SEMA5A: variants seen among roughly 807,000 people sequenced by gnomAD.
The protein encoded by SEMA5A is semaphorin-5A.
SEMA5A carries 55 observed loss-of-function variants against 135.5 expected under a neutral mutation model. That is an observed-to-expected ratio of 0.41 (90% CI 0.33 to 0.51). The LOEUF is 0.51. Among genes scored for constraint, SEMA5A ranks in the 20% least tolerant of loss-of-function variants. SEMA5A has a pLI of 0.37. For missense variants in SEMA5A, 1,290 were observed against 1,419.9 expected (o/e 0.91, Z 1.47); for synonymous variants, 580 against 546.5 (o/e 1.06, Z -0.85).
chr5:9,434,172 G>C (rs1236211226), intron 2 of SEMA5A, among the ~76,000 whole-genome samples: 2 of 152,096 alleles, frequency 1.3e-5, no homozygotes, highest in Non-Finnish European at 2.9e-5. Context: ...ACACGATAGA[G>C]TATTACATAT....
intron 2 of SEMA5A, among the ~76,000 whole-genome samples, chr5:9,416,548 C>A (rs1757290891): frequency 6.6e-6 from 1 of 152,128 alleles, no homozygotes; most frequent in Admixed American, 6.5e-5. Flanking sequence ...TGGGTACAAG[C>A]AGTTGGTGTA....
intron 3 of SEMA5A, among the ~76,000 whole-genome samples, chr5:9,353,216 GA>G (rs1561177351): frequency 5.1e-5 from 7 of 136,534 alleles, no homozygotes; most frequent in Middle Eastern, 4.3e-3. Flanking sequence ...GAAAGGAAAG[GA>G]AAGGAAAGGA....
At chr5:9,070,118 C>T (rs1296017669) in intron 16 of SEMA5A, among the ~76,000 whole-genome samples, 1 of 152,160 alleles carries the variant, frequency 6.6e-6, no homozygotes, top group Non-Finnish European at 1.5e-5. Context: ...CATCTGTAAT[C>T]CCAGCACTTT....
chr5:9,186,323 C>T (rs982164639), intron 11 of SEMA5A, among the ~76,000 whole-genome samples: 2 of 152,192 alleles, frequency 1.3e-5, no homozygotes, highest in Admixed American at 6.5e-5. Flanking sequence ...CGCAGATGAA[C>T]TACACCAGCA....
chr5:9,182,154 C>G (rs925304671), intron 11 of SEMA5A, among the ~76,000 whole-genome samples: 4 of 128,266 alleles, frequency 3.1e-5, no homozygotes, highest in Non-Finnish European at 4.9e-5. Flanking sequence ...CTTCTGCCCC[C>G]CACCCCAAAA....
chr5:9,035,102 A>C lies in SEMA5A; in HGVS notation c.*7795T>G, dbSNP rs1198338126. On this transcript the variant is annotated 3_prime_UTR_variant, in exon 23 of 23. Coordinates refer to ENST00000382496, the MANE Select transcript of SEMA5A (RefSeq NM_003966.3). ...ATGAGACAAACTATTTACATAAAAC[A>C]TAAGTACAAAAAATATAATACAATT... 6.6e-6 allele frequency: 1 copy of C among 152,654 alleles called. No homozygotes were observed. The highest frequency in any genetic ancestry group is 2.4e-5 in the African/African-American group (1 of 41,464). The allele number at this position is 152,654 out of a possible 1,614,324, so 9.5% of individuals were successfully genotyped here.
chr5:9,494,117 C>T (rs1388888441), intron 1 of SEMA5A, among the ~76,000 whole-genome samples: 3 of 152,136 alleles, frequency 2.0e-5, no homozygotes, highest in Non-Finnish European at 4.4e-5. Flanking sequence ...AAATCAGCAA[C>T]TATCCACAGA....
chr5:9,523,316 C>G (rs1025953799), intron 1 of SEMA5A: 1 of 152,138 alleles, frequency 6.6e-6, no homozygotes, highest in Non-Finnish European at 1.5e-5. Context: ...AGCTCCTGGT[C>G]TCTCTTTGAA....
In SEMA5A at chr5:9,044,453, C is replaced by A; in HGVS notation, c.3025G>T (p.Val1009Phe). The change falls in exon 22 of 23, where the codon GTC (valine) becomes TTC (phenylalanine). Residue 1009 changes from valine (V) to phenylalanine (F), a missense_variant. By Grantham distance (50) the Val-to-Phe change is conservative. This residue lies in a region of SEMA5A where 1,029 missense variants were observed against 1,086.6 expected (regional missense o/e 0.95). Transcript: ENST00000382496. ...CTGGTATTAAGGGGGGCAGGTGAGA[C>A]GGGGTGGATGACAGTCGCATCGTGG... ...QSHDATVIHP[V>F]SPAPLNTSIT... The A allele has an allele frequency of 6.2e-7, 1 of 1,613,814 alleles. No individual in the cohort carries two copies. Among genetic ancestry groups the A allele is most frequent in the Non-Finnish European group, 8.5e-7 (1 of 1,179,972 alleles).
At chr5:9,366,731 G>A (rs1754933468) in intron 3 of SEMA5A, among the ~76,000 whole-genome samples, 1 of 152,202 alleles carries the variant, frequency 6.6e-6, no homozygotes, top group Non-Finnish European at 1.5e-5. Flanking sequence ...GATGAAGAAA[G>A]GAGGGAATTT....
chr5:9,335,238 T>TGA (rs145763834), intron 4 of SEMA5A, among the ~76,000 whole-genome samples: 177 of 151,698 alleles, frequency 1.2e-3, no homozygotes, highest in African/African-American at 3.8e-3. Flanking sequence ...CTAGGGATAC[T>TGA]GAGAGAGAGA....
At chr5:9,150,665 G>A (rs572443583) in intron 12 of SEMA5A, among the ~76,000 whole-genome samples, 14 of 152,190 alleles carry the variant, frequency 9.2e-5, no homozygotes, top group South Asian at 4.1e-4. Flanking sequence ...AACCCCCGCC[G>A]CCTGAGGTCC....
intron 1 of SEMA5A, among the ~76,000 whole-genome samples, chr5:9,498,983 AT>A (rs1156690489): frequency 5.3e-5 from 8 of 152,338 alleles, no homozygotes; most frequent in Admixed American, 5.2e-4. Context: ...CGTAATGAAA[AT>A]GTATGAATGC....
chr5:9,245,881 C>T (rs1700389035), intron 5 of SEMA5A, among the ~76,000 whole-genome samples: 1 of 152,072 alleles, frequency 6.6e-6, no homozygotes, highest in South Asian at 2.1e-4. Context: ...TGGGGCTGGA[C>T]CTGGGGTCAG....
At chr5:9,507,652 C>T (rs941732007) in intron 1 of SEMA5A, among the ~76,000 whole-genome samples, 1 of 152,218 alleles carries the variant, frequency 6.6e-6, no homozygotes, top group East Asian at 1.9e-4. Context: ...GTGACCCAGG[C>T]AGAACTCGTG....
At chr5:9,190,026 C>T (rs1579573403) in intron 11 of SEMA5A, among the ~76,000 whole-genome samples, 1 of 152,122 alleles carries the variant, frequency 6.6e-6, no homozygotes, top group African/African-American at 2.4e-5. Flanking sequence ...GGAATAATAG[C>T]AAAGAAACAA....
chr5:9,512,530 T>C (rs1736267734), intron 1 of SEMA5A, among the ~76,000 whole-genome samples: 2 of 152,156 alleles, frequency 1.3e-5, no homozygotes, highest in Admixed American at 6.5e-5. Flanking sequence ...TTTCTATCTT[T>C]TTTTTTCTTT....
intron 4 of SEMA5A, among the ~76,000 whole-genome samples, chr5:9,319,217 T>C (rs1229743451): frequency 1.3e-5 from 2 of 151,790 alleles, no homozygotes; most frequent in Non-Finnish European, 2.9e-5. Context: ...AATAAATAAA[T>C]AAATAATAAA....
At chr5:9,407,996 T>TTATCACCATCACTAC (rs1554032158) in intron 2 of SEMA5A, among the ~76,000 whole-genome samples, 2 of 146,410 alleles carry the variant, frequency 1.4e-5, no homozygotes, top group African/African-American at 5.1e-5. Flanking sequence ...ACTACTGCCA[T>TTATCACCATCACTAC]CATCACCATC....
Sources: allele counts gnomAD v4.1 joint callset (sites outside exome capture counted in the v4.1 genomes callset), GRCh38; gene constraint gnomAD v4.1.1; regional missense constraint gnomAD v4.1.1; transcripts MANE v1.5; gene names NCBI Gene and HGNC (gene_info 2026-07-23, HGNC 2026-07-21).